Variants in ANKRD31 observed in about 807,000 individuals in gnomAD.
ANKRD31 encodes ankyrin repeat domain 31, also known as ankyrin repeat domain-containing protein 31.
Under a neutral mutation model 186.0 loss-of-function variants are expected in ANKRD31, and 147 were observed. The observed-to-expected ratio is 0.79, with a 90% CI of 0.69 to 0.91. The LOEUF (loss-of-function observed/expected upper bound fraction) is 0.91, where lower values mean the gene tolerates loss of function less well. ANKRD31 is among the 40% of genes least tolerant of loss of function. ANKRD31 has a pLI of 0.00. For missense variants in ANKRD31, 1,986 were observed against 2,148.8 expected, an observed-to-expected ratio of 0.92 and a Z score of 1.50; for synonymous variants, 673 against 736.4, an observed-to-expected ratio of 0.91 and a Z score of 1.39.
intron 13 of ANKRD31, among the ~76,000 whole-genome samples, chr5:75,148,246 C>T (rs572842051): frequency 1.3e-5 from 2 of 151,874 alleles, no homozygotes; most frequent in South Asian, 2.1e-4. Flanking sequence ...TAACTGCCCA[C>T]GATGTAAAGT....
At chr5:75,225,555 G>C (rs1336328668) in intron 2 of ANKRD31, 2 of 283,416 alleles carry the variant, frequency 7.1e-6, no homozygotes, top group African/African-American at 4.5e-5. Flanking sequence ...TGAATGACAG[G>C]GTTTGTCAAT....
chr5:75,134,550 A>C (rs556745963), intron 17 of ANKRD31, among the ~76,000 whole-genome samples: 1 of 152,334 alleles, frequency 6.6e-6, no homozygotes, highest in Admixed American at 6.5e-5. Flanking sequence ...AAAGTCCAGG[A>C]CCAGACGGAT....
intron 10 of ANKRD31, among the ~76,000 whole-genome samples, chr5:75,177,942 C>T (rs977744743): frequency 2.0e-5 from 3 of 151,906 alleles, no homozygotes; most frequent in East Asian, 1.9e-4. Context: ...GACTGGCAAA[C>T]TGGATAAAGA....
intron 22 of ANKRD31, among the ~76,000 whole-genome samples, chr5:75,095,530 T>C (rs1746253542): frequency 6.6e-6 from 1 of 152,080 alleles, no homozygotes; most frequent in Admixed American, 6.6e-5. Flanking sequence ...CACAATGTTC[T>C]GAGGAGTGTG....
intron 5 of ANKRD31, among the ~76,000 whole-genome samples, chr5:75,202,428 A>G (rs1449926767): frequency 6.6e-6 from 1 of 152,236 alleles, no homozygotes; most frequent in African/African-American, 2.4e-5. Flanking sequence ...ATTTTTGTCT[A>G]TCCTTTAATA....
At chr5:75,142,377 T>C (rs1390283801) in intron 15 of ANKRD31, among the ~76,000 whole-genome samples, 1 of 152,054 alleles carries the variant, frequency 6.6e-6, no homozygotes, top group Non-Finnish European at 1.5e-5. Flanking sequence ...TTTTTGTCCT[T>C]AGTAGACTTG....
intron 11 of ANKRD31, among the ~76,000 whole-genome samples, chr5:75,167,639 C>T (rs16872437): frequency 2.6e-5 from 4 of 152,096 alleles, no homozygotes; most frequent in African/African-American, 9.7e-5. Context: ...GGAATAGAGG[C>T]CTGTGTCTTT....
intron 17 of ANKRD31, among the ~76,000 whole-genome samples, chr5:75,131,718 G>A (rs528627973): frequency 6.6e-6 from 1 of 152,192 alleles, no homozygotes; most frequent in East Asian, 1.9e-4. Context: ...CTCCTCAAGT[G>A]GGTCTGTGAC....
At chr5:75,179,890 A>C (rs1754146113) in intron 10 of ANKRD31, among the ~76,000 whole-genome samples, 1 of 152,198 alleles carries the variant, frequency 6.6e-6, no homozygotes, top group African/African-American at 2.4e-5. Context: ...CAGGGCAATC[A>C]GGCAGGAGAA....
In ANKRD31 at chr5:75,196,021, T is replaced by C; in HGVS notation, c.627A>G (p.Glu209=). The C allele has an allele frequency of 1.3e-6, 2 of 1,533,760 alleles. No individual in the cohort carries two copies. The highest frequency in any genetic ancestry group is 4.9e-5 in the East Asian group (2 of 40,886). ...CAAGAGAGCTTTCTTCATCCTTAGT[T>C]TCTTCAGAAGTCATGGTCATTGTGA... ...KEVTMTMTSE[E]TKDEESSLET... is the part of the protein sequence containing the mutation. Residue 209 remains glutamate, a synonymous_variant, in exon 7 of 26, where the codon GAA becomes GAG. Transcript: ENST00000506364.
chr5:75,160,263 G>A (rs1033509956), intron 11 of ANKRD31, among the ~76,000 whole-genome samples: 5 of 152,020 alleles, frequency 3.3e-5, no homozygotes, highest in Non-Finnish European at 7.4e-5. Flanking sequence ...CTGGAAAAAG[G>A]TTAGCATAAG....
intron 4 of ANKRD31, among the ~76,000 whole-genome samples, chr5:75,208,485 CT>C (rs562825680): frequency 4.0e-4 from 61 of 152,040 alleles, no homozygotes; most frequent in Middle Eastern, 3.4e-3. Context: ...CCAGAATTTC[CT>C]TATCTGACTG....
At position 75,080,278 on chromosome 5, in the gene ANKRD31, G is replaced by A. The variant is rs550117358; in HGVS notation, c.5647+290C>T. ...TTAAAACAGCAATCTTTTAAATCAC[G>A]TTCATGCTTTCATTTACTTATTCAT... On this transcript the variant is annotated intron_variant, in intron 25 of 25. Coordinates refer to ENST00000506364, the MANE Select transcript of ANKRD31 (RefSeq NM_001372053.1). 2.6e-5 allele frequency among the ~76,000 whole-genome samples: 4 copies of A among 152,150 alleles called. No individual in the cohort carries two copies. In the South Asian group the frequency reaches 8.3e-4, roughly 32 times the overall value.
At chr5:75,167,032 C>T (rs1361101747) in intron 11 of ANKRD31, among the ~76,000 whole-genome samples, 1 of 144,782 alleles carries the variant, frequency 6.9e-6, no homozygotes, top group African/African-American at 2.8e-5. Context: ...AATTTTGGAA[C>T]ATTTTCATTC....
intron 12 of ANKRD31, among the ~76,000 whole-genome samples, chr5:75,150,989 T>C (rs533594181): frequency 1.3e-5 from 2 of 152,132 alleles, no homozygotes; most frequent in African/African-American, 4.8e-5. Context: ...TTTTTTGCTC[T>C]AATGAACCAT....
rs112932927 is a variant in ANKRD31 at position 75,094,533 on chromosome 5, A to T, written c.5332-3132T>A. Among the ~76,000 whole-genome samples the T allele has an allele frequency of 3.0e-3, 459 of 152,332 alleles. 3 individuals carry two copies. Among genetic ancestry groups the T allele is most frequent in the African/African-American group, 9.8e-3 (408 of 41,584 alleles). On this transcript the variant is annotated intron_variant, in intron 22 of 25. Coordinates refer to ENST00000506364, the MANE Select transcript of ANKRD31 (RefSeq NM_001372053.1). The stretch of plus-strand genomic sequence containing the variant: ...AGCTACTGCAAGCACAACTCAAAAA[A>T]TATGATGAAAAGTCATTAAAGAAAT...
At chr5:75,071,647 C>A (rs76916370) in intron 25 of ANKRD31, among the ~76,000 whole-genome samples, 1 of 152,022 alleles carries the variant, frequency 6.6e-6, no homozygotes, top group South Asian at 2.1e-4. Flanking sequence ...AGGCACCCAC[C>A]ACCACGCCCG....
chr5:75,179,042 C>T lies in ANKRD31; in HGVS notation c.1564+9451G>A, dbSNP rs1014614071. The stretch of plus-strand genomic sequence containing the variant: ...ATCAAATAGACGCAATAAAAAATGA[C>T]AAAGGGGATATCACCACCGATCCCA... On this transcript the variant is annotated intron_variant, in intron 10 of 25. Coordinates refer to ENST00000506364, the MANE Select transcript of ANKRD31 (RefSeq NM_001372053.1). Among the ~76,000 whole-genome samples, 263 of 151,816 alleles carry T rather than the reference C, an allele frequency of 1.7e-3. 1 individual carries two copies. The highest frequency in any genetic ancestry group is 3.4e-3 in the Middle Eastern group (1 of 292).
At chr5:75,156,251 A>G (rs1752165362) in intron 11 of ANKRD31, among the ~76,000 whole-genome samples, 1 of 152,142 alleles carries the variant, frequency 6.6e-6, no homozygotes, top group African/African-American at 2.4e-5. Flanking sequence ...TTTTGAGATA[A>G]TAACTAGGTG....
Sources: allele counts gnomAD v4.1 joint callset (sites outside exome capture counted in the v4.1 genomes callset), GRCh38; gene constraint gnomAD v4.1.1; transcripts MANE v1.5; gene names NCBI Gene and HGNC (gene_info 2026-07-23, HGNC 2026-07-21).